Variants in ARHGAP15 observed in about 807,000 individuals in gnomAD.
The protein encoded by ARHGAP15 is Rho GTPase activating protein 15.
In ARHGAP15, 51 loss-of-function variants were observed where a neutral mutation model predicts 63.7. The observed-to-expected ratio is 0.80, with a 90% CI of 0.64 to 1.01. The LOEUF (loss-of-function observed/expected upper bound fraction) is 1.01. Ranked by LOEUF, ARHGAP15 falls within the 50% of genes least tolerant of loss-of-function variation. The probability of loss-of-function intolerance (pLI) is 0.00; values close to 1 mark genes in which losing one functional copy is unlikely to be tolerated. For synonymous variants in ARHGAP15, 191 were observed against 193.8 expected (o/e 0.99, Z 0.12); for missense variants, 560 against 564.6 (o/e 0.99, Z 0.08).
At chr2:143,159,881 T>C (rs1690223358) in intron 2 of ARHGAP15, among the ~76,000 whole-genome samples, 1 of 151,936 alleles carries the variant, frequency 6.6e-6, no homozygotes, top group Admixed American at 6.6e-5. Flanking sequence ...GAAAATGGAT[T>C]AGTTTCCTTC....
intron 11 of ARHGAP15, among the ~76,000 whole-genome samples, chr2:143,586,651 C>A (rs1019838612): frequency 1.5e-4 from 23 of 151,142 alleles, no homozygotes; most frequent in African/African-American, 5.6e-4. Context: ...TTTTTAAATA[C>A]TCTTTCCATT....
intron 6 of ARHGAP15, among the ~76,000 whole-genome samples, chr2:143,414,342 C>G (rs933577334): frequency 1.3e-5 from 2 of 151,174 alleles, no homozygotes. Flanking sequence ...CCAAAAAGAG[C>G]GAAAAGAAAT....
rs527495992 is a variant in ARHGAP15, at chr2:143,714,528, T to G, written c.1244+11004T>G. On this transcript the variant is annotated intron_variant, in intron 13 of 13. Transcript: ENST00000295095. Reference sequence around the variant, plus strand: ...AATTTCTGCAGCTGGCTTGAATTTCTCCCCAGAAAATGGGTTTTTCTTTTC... The same window carrying G: ...AATTTCTGCAGCTGGCTTGAATTTCGCCCCAGAAAATGGGTTTTTCTTTTC... Among the ~76,000 whole-genome samples the G allele has an allele frequency of 2.5e-4, 38 of 152,380 alleles. No individual in the cohort carries two copies. In the South Asian group the frequency reaches 7.2e-3, roughly 29 times the overall value.
chr2:143,203,164 C>A (rs1351312893), intron 3 of ARHGAP15, among the ~76,000 whole-genome samples: 1 of 152,048 alleles, frequency 6.6e-6, no homozygotes, highest in Admixed American at 6.6e-5. Context: ...TTGGGATGTC[C>A]CATCCTTAGC....
intron 1 of ARHGAP15, among the ~76,000 whole-genome samples, chr2:143,136,973 C>T (rs983073445): frequency 1.3e-5 from 2 of 152,064 alleles, no homozygotes; most frequent in African/African-American, 4.8e-5. Context: ...TCCTGACTCT[C>T]CTCCCTGCTT....
intron 6 of ARHGAP15, among the ~76,000 whole-genome samples, chr2:143,338,362 C>T (rs1040202856): frequency 3.3e-5 from 5 of 152,164 alleles, no homozygotes; most frequent in African/African-American, 4.8e-5. Flanking sequence ...CTTCAACTCA[C>T]GTGGATCAGA....
intron 12 of ARHGAP15, among the ~76,000 whole-genome samples, chr2:143,650,973 C>G (rs1342977472): frequency 6.6e-6 from 1 of 151,858 alleles, no homozygotes; most frequent in African/African-American, 2.4e-5. Context: ...CTAGAGGACT[C>G]CTGCAGGAAA....
At chr2:143,132,762 C>T (rs902478091) in intron 1 of ARHGAP15, among the ~76,000 whole-genome samples, 1 of 152,180 alleles carries the variant, frequency 6.6e-6, no homozygotes, top group African/African-American at 2.4e-5. Context: ...TACGGAGTCA[C>T]GTATGGTCAC....
chr2:143,153,797 C>T (rs1305463207), intron 1 of ARHGAP15, among the ~76,000 whole-genome samples: 1 of 51,858 alleles, frequency 1.9e-5, no homozygotes, highest in Non-Finnish European at 3.9e-5. Context: ...TCTTCTTCTT[C>T]TTCTTCTTCT....
At chr2:143,561,601 C>A (rs1046393196) in intron 11 of ARHGAP15, among the ~76,000 whole-genome samples, 4 of 149,780 alleles carry the variant, frequency 2.7e-5, no homozygotes, top group Admixed American at 2.6e-4. Context: ...CTGCAACCTC[C>A]ACCTCCCGGG....
At chr2:143,209,477 C>T (rs1023403317) in intron 3 of ARHGAP15, among the ~76,000 whole-genome samples, 8 of 151,766 alleles carry the variant, frequency 5.3e-5, no homozygotes, top group African/African-American at 1.5e-4. Flanking sequence ...TCTAGAGAAG[C>T]GTTCAGTCTA....
At chr2:143,170,377 T>A (rs1210655592) in intron 2 of ARHGAP15, among the ~76,000 whole-genome samples, 1 of 152,152 alleles carries the variant, frequency 6.6e-6, no homozygotes, top group African/African-American at 2.4e-5. Flanking sequence ...GACTACTTTG[T>A]ATTTAAGTGA....
intron 1 of ARHGAP15, among the ~76,000 whole-genome samples, chr2:143,135,169 G>T (rs1197953281): frequency 6.6e-6 from 1 of 152,148 alleles, no homozygotes; most frequent in Non-Finnish European, 1.5e-5. Flanking sequence ...ATATAAGTAA[G>T]ATTCAGTGAG....
At chr2:143,358,673 A>G (rs1366438519) in intron 6 of ARHGAP15, among the ~76,000 whole-genome samples, 13 of 151,672 alleles carry the variant, frequency 8.6e-5, no homozygotes, top group Non-Finnish European at 1.6e-4. Flanking sequence ...ATAAGGAAAT[A>G]GATAGCTATG....
At chr2:143,304,833 C>T (rs1359141547) in intron 6 of ARHGAP15, among the ~76,000 whole-genome samples, 1 of 151,998 alleles carries the variant, frequency 6.6e-6, no homozygotes, top group Non-Finnish European at 1.5e-5. Flanking sequence ...ATGACAGATG[C>T]TGGAGAGGGT....
intron 13 of ARHGAP15, among the ~76,000 whole-genome samples, chr2:143,736,061 T>C (rs1685732094): frequency 6.6e-6 from 1 of 152,162 alleles, no homozygotes; most frequent in South Asian, 2.1e-4. Flanking sequence ...GCACTGGGAC[T>C]ACAAGAATAA....
At chr2:143,345,840 T>G (rs891431167) in intron 6 of ARHGAP15, among the ~76,000 whole-genome samples, 2 of 152,126 alleles carry the variant, frequency 1.3e-5, no homozygotes, top group Non-Finnish European at 2.9e-5. Flanking sequence ...TATTATCTTG[T>G]GTTGCTGCTG....
chr2:143,187,774 A>G (rs1452924239), intron 2 of ARHGAP15, among the ~76,000 whole-genome samples: 11 of 152,194 alleles, frequency 7.2e-5, no homozygotes, highest in Admixed American at 7.2e-4. Context: ...GGGACTTTTC[A>G]TGATGTAAAT....
At chr2:143,330,874 T>C (rs1048984502) in intron 6 of ARHGAP15, among the ~76,000 whole-genome samples, 2 of 152,214 alleles carry the variant, frequency 1.3e-5, no homozygotes, top group African/African-American at 4.8e-5. Flanking sequence ...CTACATTATA[T>C]GCATGCTCTT....
Sources: allele counts gnomAD v4.1 joint callset (sites outside exome capture counted in the v4.1 genomes callset), GRCh38; gene constraint gnomAD v4.1.1; transcripts MANE v1.5; gene names NCBI Gene and HGNC (gene_info 2026-07-23, HGNC 2026-07-21).